RAE1: variants seen among roughly 807,000 people sequenced by gnomAD.
The protein encoded by RAE1 is mRNA export factor RAE1.
RAE1 carries 13 observed loss-of-function variants against 52.7 expected under a neutral mutation model. That is an observed-to-expected ratio of 0.25 (90% CI 0.16 to 0.39). The LOEUF is 0.39. RAE1 is among the 10% of genes least tolerant of loss of function. The pLI is 1.00. For missense variants in RAE1, 262 were observed against 459.8 expected (o/e 0.57, Z 3.93); for synonymous variants, 164 against 153.1 (o/e 1.07, Z -0.52).
intron 4 of RAE1, chr20:57,357,351 A>AAATC (rs2066805138): frequency 6.6e-6 from 1 of 152,226 alleles, no homozygotes; most frequent in South Asian, 2.1e-4. Flanking sequence ...TCATCTAAAT[A>AAATC]AATCCTATAG....
intron 8 of RAE1, among the ~76,000 whole-genome samples, chr20:57,369,584 G>A (rs1358013428): frequency 6.6e-6 from 1 of 152,116 alleles, no homozygotes; most frequent in Non-Finnish European, 1.5e-5. Flanking sequence ...TCTATTTTGG[G>A]GCAAAATATT....
Position 57,351,270 on chromosome 20 carries a change from A to C in RAE1, c.-160A>C. ...CACGCGCGTTGTTTCCGCGGTAGTCAGGGCAGTTTCTACCGCAGGCTTAAG... is the reference window on the plus strand; with the variant it reads ...CACGCGCGTTGTTTCCGCGGTAGTCCGGGCAGTTTCTACCGCAGGCTTAAG... On this transcript the variant is annotated 5_prime_UTR_variant, in exon 1 of 12. Coordinates refer to ENST00000395841, the MANE Select transcript of RAE1 (RefSeq NM_003610.4). The C allele has an allele frequency of 1.0e-6, 1 of 985,436 alleles. No individual in the cohort carries two copies. The highest frequency in any genetic ancestry group is 1.2e-6 in the Non-Finnish European group (1 of 829,908). The allele number at this position is 985,436 out of a possible 1,614,324, so 61.0% of individuals were successfully genotyped here.
At chr20:57,357,572 GAA>G (rs756472428) in intron 4 of RAE1, 1 of 152,300 alleles carries the variant, frequency 6.6e-6, no homozygotes, top group Non-Finnish European at 1.5e-5. Flanking sequence ...GAATTTGTAA[GAA>G]GAGAGTGGTT....
chr20:57,369,067 G>C (rs1339359418), intron 8 of RAE1, among the ~76,000 whole-genome samples: 1 of 152,206 alleles, frequency 6.6e-6, no homozygotes, highest in East Asian at 1.9e-4. Flanking sequence ...GGGGCCAAGG[G>C]AAAACTTCTC....
intron 4 of RAE1, among the ~76,000 whole-genome samples, chr20:57,364,965 T>A (rs2146153928): frequency 6.6e-6 from 1 of 152,326 alleles, no homozygotes; most frequent in East Asian, 1.9e-4. Flanking sequence ...CTATGTGAAG[T>A]GCTTATGGGT....
intron 1 of RAE1, chr20:57,351,851 C>T (rs2066714518): frequency 7.1e-6 from 7 of 985,436 alleles, no homozygotes; most frequent in Non-Finnish European, 8.4e-6. Context: ...AAGTCTGTTT[C>T]TGTCTTAGCC....
rs749037358 is a variant in RAE1, at chr20:57,354,726, A to G, written c.105A>G (p.Thr35=). The G allele has an allele frequency of 3.8e-6, 6 of 1,585,646 alleles. No individual in the cohort carries two copies. In the East Asian group the frequency reaches 1.4e-4, roughly 37 times the overall value. ...TTTTCCCGCAGGATATTGAAGTAAC[A>G]TCATCTCCTGATGATAGCATTGGTT... The part of the protein sequence containing the change: ...NHNPMKDIEV[T]SSPDDSIGCL... Residue 35 remains threonine (T), a synonymous_variant, in exon 3 of 12, where the codon ACA becomes ACG. Coordinates refer to ENST00000395841, the MANE Select transcript of RAE1 (RefSeq NM_003610.4).
intron 1 of RAE1, chr20:57,351,833 C>G (rs1038296878): frequency 4.1e-6 from 4 of 985,466 alleles, no homozygotes; most frequent in Non-Finnish European, 4.8e-6. Flanking sequence ...TTACCAGTCT[C>G]TGAAACTAAG....
chr20:57,369,356 G>A (rs936469480), intron 8 of RAE1, among the ~76,000 whole-genome samples: 1 of 152,072 alleles, frequency 6.6e-6, no homozygotes, highest in African/African-American at 2.4e-5. Context: ...TAATGTGGAG[G>A]AAACCCCACA....
At chr20:57,360,405 A>T (rs756736411) in intron 4 of RAE1, among the ~76,000 whole-genome samples, 1 of 152,216 alleles carries the variant, frequency 6.6e-6, no homozygotes, top group Non-Finnish European at 1.5e-5. Flanking sequence ...AGATGGGCAT[A>T]TAGGCCAGGG....
In RAE1 at chr20:57,373,743, GTTTTTAGACAC is replaced by G. The variant is rs2067070432; in HGVS notation, c.825+9_825+19del. 1 of 1,610,908 alleles carries G rather than the reference GTTTTTAGACAC, an allele frequency of 6.2e-7. No homozygotes were observed. Among genetic ancestry groups the G allele is most frequent in the Non-Finnish European group, 8.5e-7 (1 of 1,177,202 alleles). On this transcript the variant is annotated splice_donor_region_variant and intron_variant, in intron 10 of 11. Coordinates refer to ENST00000395841, the MANE Select transcript of RAE1 (RefSeq NM_003610.4). Reference sequence around the variant, plus strand: ...GCTCCTCAGGACATTTATGCGGTACGTTTTTAGACACTTTAACCGTGGTAATACATCTGGAA... The same window carrying G: ...GCTCCTCAGGACATTTATGCGGTACGTTTAACCGTGGTAATACATCTGGAA...
At chr20:57,356,347 CTATG>C (rs2066786203) in intron 3 of RAE1, 95 bp from the exon 4 acceptor site, 3 of 791,396 alleles carry the variant, frequency 3.8e-6, no homozygotes, top group African/African-American at 3.4e-5. Flanking sequence ...TATGAGAAGT[CTATG>C]TATGGTTAAG....
chr20:57,365,810 A>G (rs944975406), intron 5 of RAE1, among the ~76,000 whole-genome samples: 10 of 152,238 alleles, frequency 6.6e-5, no homozygotes, highest in Non-Finnish European at 1.5e-4. Flanking sequence ...TCACTTACTC[A>G]TTCAGCAAGT....
At chr20:57,361,113 A>AGAAG (rs1491427113) in intron 4 of RAE1, among the ~76,000 whole-genome samples, 1 of 152,136 alleles carries the variant, frequency 6.6e-6, no homozygotes, top group Non-Finnish European at 1.5e-5. Context: ...AAAGAAAGAA[A>AGAAG]GAAATAGAAA....
At chr20:57,369,437 A>G (rs2067003360) in intron 8 of RAE1, among the ~76,000 whole-genome samples, 1 of 152,226 alleles carries the variant, frequency 6.6e-6, no homozygotes, top group Non-Finnish European at 1.5e-5. Context: ...TAATCAGGAC[A>G]AGGGAAGGGC....
intron 2 of RAE1, 118 bp downstream of exon 2, chr20:57,354,246 T>C (rs2066751830): frequency 2.5e-6 from 2 of 809,734 alleles, no homozygotes; most frequent in South Asian, 3.5e-5. Flanking sequence ...TGAAACTTTG[T>C]CTAACTCATG....
chr20:57,356,449 C>T lies in RAE1; in HGVS notation c.199C>T (p.Arg67Cys), dbSNP rs758243618. Residue 67 changes from arginine to cysteine, a missense_variant, in exon 4 of 12, where the codon CGC becomes TGC. Physicochemically the swap from Arg to Cys is radical, Grantham distance 180. Transcript: ENST00000395841. ...TTGAATTTTTTTGTTACTACAGGTT[C>T]GCTGCTGGGAAGTTCAAGACAGTGG... Reference protein sequence around the residue: ...LIAGSWANDVRCWEVQDSGQT... With the variant: ...LIAGSWANDVCCWEVQDSGQT... 2 of 1,610,596 alleles carry T rather than the reference C, an allele frequency of 1.2e-6. No individual in the cohort carries two copies. The highest frequency in any genetic ancestry group is 1.7e-6 in the Non-Finnish European group (2 of 1,177,616).
rs550927348 is a variant in RAE1, at chr20:57,365,269, C to T, written c.289-87C>T. On this transcript the variant is annotated intron_variant, in intron 4 of 11. Transcript: ENST00000395841. ...AAATAAAGATTGCCAAAGTTTGCCT[C>T]AATATGTTCAACGTAGTATCTAAAT... 97 of 918,960 alleles carry T rather than the reference C, an allele frequency of 1.1e-4. No homozygotes were observed. The African/African-American group carries it at 1.6e-3, about 15-fold the overall frequency. 56.9% of individuals were successfully genotyped at this position (918,960 alleles called of 1,614,324 possible).
chr20:57,365,635 T>C (rs1484370634), intron 5 of RAE1, among the ~76,000 whole-genome samples, 193 bp downstream of exon 5: 4 of 152,212 alleles, frequency 2.6e-5, no homozygotes. Context: ...TCTTAACTAG[T>C]GTTCACAGAT....
Sources: gnomAD v4.1 joint callset for allele counts (sites outside exome capture counted in the v4.1 genomes callset) on GRCh38, gnomAD v4.1.1 for gene constraint, MANE v1.5 for transcripts, NCBI Gene and HGNC (gene_info 2026-07-23, HGNC 2026-07-21) for gene names.